The following ADAMTS16 variants were observed in gnomAD, a reference collection of about 807,000 sequenced individuals.
ADAMTS16 encodes the protein ADAM metallopeptidase with thrombospondin type 1 motif 16, also known as A disintegrin and metalloproteinase with thrombospondin motifs 16.
In ADAMTS16, 94 loss-of-function variants were observed where a neutral mutation model predicts 145.8. That is an observed-to-expected ratio of 0.64 (90% CI 0.55 to 0.77). ADAMTS16 has a LOEUF of 0.77. ADAMTS16 is among the 30% of genes least tolerant of loss of function. The probability of loss-of-function intolerance (pLI) is 0.00; values close to 1 mark genes in which losing one functional copy is unlikely to be tolerated. For missense variants in ADAMTS16, 1,585 were observed against 1,591.5 expected (o/e 1.00, Z 0.07); for synonymous variants, 659 against 604.3 (o/e 1.09, Z -1.33).
At chr5:5,151,678 TTGTGTGTGTG>T (rs60381485) in intron 3 of ADAMTS16, among the ~76,000 whole-genome samples, 71,322 of 139,298 alleles carry the variant, frequency 0.51, 18,458 homozygotes, top group Non-Finnish European at 0.6. Context: ...ATAGTTCCCT[TTGTGTGTGTG>T]TGTGTGTGTG....
chr5:5,287,544 G>C (rs1739147924), intron 18 of ADAMTS16, among the ~76,000 whole-genome samples: 1 of 152,060 alleles, frequency 6.6e-6, no homozygotes, highest in Admixed American at 6.6e-5. Context: ...GTTTTGTTTA[G>C]CATGAGCAAG....
intron 17 of ADAMTS16, among the ~76,000 whole-genome samples, chr5:5,250,709 C>CTCTGTG (rs1737596532): frequency 8.1e-6 from 1 of 122,932 alleles, no homozygotes; most frequent in African/African-American, 2.9e-5. Flanking sequence ...TCTCTTCTCT[C>CTCTGTG]TGTGTGTGTG....
At chr5:5,257,346 C>T (rs1345640089) in intron 17 of ADAMTS16, among the ~76,000 whole-genome samples, 1 of 152,114 alleles carries the variant, frequency 6.6e-6, no homozygotes, top group African/African-American at 2.4e-5. Context: ...CAAACTAATC[C>T]ATGCATGCTA....
At chr5:5,293,077 TG>T (rs1356197578) in intron 18 of ADAMTS16, among the ~76,000 whole-genome samples, 5 of 152,192 alleles carry the variant, frequency 3.3e-5, no homozygotes, top group Non-Finnish European at 1.5e-5. Flanking sequence ...GACACAGAGA[TG>T]GAGGGCACCT....
chr5:5,307,025 CCA>C (rs1321903999), intron 21 of ADAMTS16, among the ~76,000 whole-genome samples: 1 of 152,050 alleles, frequency 6.6e-6, no homozygotes, highest in African/African-American at 2.4e-5. Flanking sequence ...GCTGAATTCC[CCA>C]GAGATGAGTG....
rs142288524 is a variant in ADAMTS16 at position 5,204,735 on chromosome 5, C to T, written c.1452-4358C>T. On this transcript the variant is annotated intron_variant, in intron 9 of 22. Transcript: ENST00000274181. ...TTTTTGGCGATTACAAGGAACAGCA[C>T]TGTGAATATTCTCTTGGTTTGCATA... Among the ~76,000 whole-genome samples the T allele has an allele frequency of 7.9e-5, 12 of 152,290 alleles. 1 individual carries two copies. In the East Asian group the frequency reaches 2.3e-3, roughly 29 times the overall value.
At chr5:5,268,885 T>G (rs1738359430) in intron 18 of ADAMTS16, among the ~76,000 whole-genome samples, 3 of 151,902 alleles carry the variant, frequency 2.0e-5, no homozygotes. Context: ...AAGACGGAGG[T>G]AGTCGAGCCT....
intron 4 of ADAMTS16, among the ~76,000 whole-genome samples, chr5:5,183,919 G>A (rs758757721): frequency 5.9e-5 from 9 of 152,354 alleles, no homozygotes; most frequent in Non-Finnish European, 1.0e-4. Context: ...AGTTCCCATG[G>A]TTTCATAATA....
At chr5:5,152,865 T>C (rs768944370) in intron 3 of ADAMTS16, among the ~76,000 whole-genome samples, 1 of 152,260 alleles carries the variant, frequency 6.6e-6, no homozygotes, top group African/African-American at 2.4e-5. Flanking sequence ...GTTCTTTCAC[T>C]GGGGTGAAAT....
At chr5:5,189,494 T>A (rs893846247) in intron 6 of ADAMTS16, among the ~76,000 whole-genome samples, 1 of 152,242 alleles carries the variant, frequency 6.6e-6, no homozygotes, top group Non-Finnish European at 1.5e-5. Context: ...AGATATTTAA[T>A]TTAACACTAT....
chr5:5,208,597 A>G (rs769285697), intron 9 of ADAMTS16, among the ~76,000 whole-genome samples: 6 of 152,240 alleles, frequency 3.9e-5, no homozygotes, highest in Non-Finnish European at 8.8e-5. Context: ...CCAGTGATCC[A>G]GGAAGAACCT....
intron 9 of ADAMTS16, among the ~76,000 whole-genome samples, chr5:5,201,233 A>G (rs571624740): frequency 6.6e-6 from 1 of 152,286 alleles, no homozygotes; most frequent in Non-Finnish European, 1.5e-5. Flanking sequence ...AGGAACTCAT[A>G]TGACTGCCCA....
At chr5:5,316,452 G>C (rs1291411833) in intron 21 of ADAMTS16, among the ~76,000 whole-genome samples, 1 of 152,126 alleles carries the variant, frequency 6.6e-6, no homozygotes, top group African/African-American at 2.4e-5. Context: ...ATTTAGTCTA[G>C]ACAGTGGGTA....
At chr5:5,285,161 T>C (rs571006976) in intron 18 of ADAMTS16, among the ~76,000 whole-genome samples, 1 of 152,282 alleles carries the variant, frequency 6.6e-6, no homozygotes, top group African/African-American at 2.4e-5. Context: ...TTAAAAAAAA[T>C]AAAGCTATCA....
intron 17 of ADAMTS16, among the ~76,000 whole-genome samples, chr5:5,247,179 GGT>G (rs760308138): frequency 8.5e-5 from 13 of 152,082 alleles, no homozygotes; most frequent in Non-Finnish European, 7.4e-5. Flanking sequence ...TCCCAGAGTG[GGT>G]GTGTCTCTTT....
At chr5:5,208,996 G>T in intron 9 of ADAMTS16, 97 bp from the exon 10 acceptor site, 1 of 1,372,040 alleles carries the variant, frequency 7.3e-7, no homozygotes, top group Non-Finnish European at 1.0e-6. Context: ...CACAATATAT[G>T]TTGTAAAATT....
At chr5:5,226,750 A>G (rs1736777579) in intron 11 of ADAMTS16, among the ~76,000 whole-genome samples, 1 of 152,168 alleles carries the variant, frequency 6.6e-6, no homozygotes, top group Non-Finnish European at 1.5e-5. Context: ...GTGGTAACAT[A>G]GACTGATATT....
At chr5:5,231,070 G>A (rs917169296) in intron 11 of ADAMTS16, among the ~76,000 whole-genome samples, 9 of 152,238 alleles carry the variant, frequency 5.9e-5, no homozygotes, top group African/African-American at 1.9e-4. Flanking sequence ...TCTGACAACC[G>A]GTGCAACCTC....
intron 4 of ADAMTS16, among the ~76,000 whole-genome samples, chr5:5,182,976 T>G (rs1427555655): frequency 6.6e-6 from 1 of 152,170 alleles, no homozygotes; most frequent in Admixed American, 6.5e-5. Flanking sequence ...GCCCATTGTT[T>G]CCTGCGTGGT....
Sources: gnomAD v4.1 joint callset for allele counts (sites outside exome capture counted in the v4.1 genomes callset) on GRCh38, gnomAD v4.1.1 for gene constraint, MANE v1.5 for transcripts, NCBI Gene and HGNC (gene_info 2026-07-23, HGNC 2026-07-21) for gene names.